The following SPMIP4 variants were observed in gnomAD, a reference collection of about 807,000 sequenced individuals.
SPMIP4 encodes sperm-associated microtubule inner protein 4.
chr7:25,126,312 G>C, the SPMIP4 span, among the ~76,000 whole-genome samples: 2 of 152,012 alleles, frequency 1.3e-5, no homozygotes, highest in Non-Finnish European at 2.9e-5. Flanking sequence ...CAAGTAGCTG[G>C]GACTACGGGA....
chr7:25,157,374 A>G, the SPMIP4 span, among the ~76,000 whole-genome samples: 3 of 152,222 alleles, frequency 2.0e-5, no homozygotes, highest in African/African-American at 7.2e-5. Flanking sequence ...ACAGACACAC[A>G]GAGAACTTCT....
chr7:25,126,323 G>A, the SPMIP4 span, among the ~76,000 whole-genome samples: 4 of 152,084 alleles, frequency 2.6e-5, no homozygotes, highest in African/African-American at 9.7e-5. Flanking sequence ...GACTACGGGA[G>A]CAAACCACCA....
At chr7:25,128,179 C>G in the SPMIP4 span, among the ~76,000 whole-genome samples, 1 of 152,318 alleles carries the variant, frequency 6.6e-6, no homozygotes, top group Non-Finnish European at 1.5e-5. This position sits in a 1 kb window ranked among gnomAD's most constrained non-coding sequence, Gnocchi z 4.5. Context: ...TGGGTCTGGT[C>G]CAAGGCTTGC....
the SPMIP4 span, chr7:25,134,943 A>T: frequency 5.1e-6 from 5 of 985,306 alleles, no homozygotes; most frequent in Admixed American, 6.1e-5. Flanking sequence ...GCTGTACAGA[A>T]TGCAGTTGGA....
At chr7:25,149,687 T>C in the SPMIP4 span, among the ~76,000 whole-genome samples, 1 of 152,208 alleles carries the variant, frequency 6.6e-6, no homozygotes, top group African/African-American at 2.4e-5. Flanking sequence ...GGTTACAGTA[T>C]GTGTGGCAGA....
the SPMIP4 span, among the ~76,000 whole-genome samples, chr7:25,143,877 A>G: frequency 2.4e-3 from 368 of 152,340 alleles, 1 homozygote; most frequent in Non-Finnish European, 4.6e-3. Context: ...GATTATAGAC[A>G]TGAGCTACCA....
the SPMIP4 span, among the ~76,000 whole-genome samples, chr7:25,175,201 G>A: frequency 8.5e-5 from 13 of 152,148 alleles, no homozygotes; most frequent in Admixed American, 8.5e-4. Context: ...TACCCTGTCT[G>A]TAGACCAGTC....
At chr7:25,155,187 A>G in the SPMIP4 span, 1 of 1,541,230 alleles carries the variant, frequency 6.5e-7, no homozygotes, top group Non-Finnish European at 8.7e-7. Context: ...TGGCAAGCAG[A>G]TCTCTCTAAG....
chr7:25,141,515 T>C, the SPMIP4 span, among the ~76,000 whole-genome samples: 1 of 140,256 alleles, frequency 7.1e-6, no homozygotes, highest in African/African-American at 2.8e-5. Context: ...GAGGTTGCAG[T>C]GAGCTGAGAT....
At chr7:25,130,450 T>C in the SPMIP4 span, among the ~76,000 whole-genome samples, 6 of 151,606 alleles carry the variant, frequency 4.0e-5, no homozygotes, top group Non-Finnish European at 8.8e-5. Flanking sequence ...GTAGCTGGGA[T>C]TACAGGTGTG....
chr7:25,135,315 A>G, the SPMIP4 span: 1 of 985,104 alleles, frequency 1.0e-6, no homozygotes, highest in Non-Finnish European at 1.2e-6. Flanking sequence ...TTTCTCAATC[A>G]GAAGGTTAAG....
the SPMIP4 span, among the ~76,000 whole-genome samples, chr7:25,143,660 T>G: frequency 6.8e-6 from 1 of 146,784 alleles, no homozygotes; most frequent in Non-Finnish European, 1.5e-5. Context: ...GGTACAATCA[T>G]AGCTCACTGA....
chr7:25,155,334 A>C, the SPMIP4 span: 4 of 584,976 alleles, frequency 6.8e-6, no homozygotes, highest in Non-Finnish European at 1.1e-5. Context: ...CAGTGAGTCA[A>C]TGTCCCTGTG....
chr7:25,133,509 T>C, the SPMIP4 span, among the ~76,000 whole-genome samples: 1 of 152,238 alleles, frequency 6.6e-6, no homozygotes, highest in Non-Finnish European at 1.5e-5. Context: ...AAAGTGGTCA[T>C]ATTTAGAAGA....
At chr7:25,151,489 C>T in the SPMIP4 span, 1 of 681,172 alleles carries the variant, frequency 1.5e-6, no homozygotes, top group Non-Finnish European at 2.5e-6. Flanking sequence ...TCCCTAAGTG[C>T]TGGGATTATG....
At chr7:25,132,880 A>C in the SPMIP4 span, among the ~76,000 whole-genome samples, 2 of 152,296 alleles carry the variant, frequency 1.3e-5, no homozygotes, top group East Asian at 3.9e-4. The surrounding 1 kb of genome is among the most constrained non-coding windows in gnomAD (Gnocchi z 5.0). Flanking sequence ...GAGTTGATGG[A>C]GATGGGAAGG....
the SPMIP4 span, chr7:25,142,852 A>G: frequency 1.4e-6 from 2 of 1,401,814 alleles, no homozygotes; most frequent in African/African-American, 1.5e-5. Context: ...TGTTAATGTC[A>G]TCTAGTAGAA....
the SPMIP4 span, among the ~76,000 whole-genome samples, chr7:25,154,484 C>G: frequency 5.9e-5 from 9 of 152,154 alleles, no homozygotes; most frequent in African/African-American, 2.2e-4. Context: ...AACACATTCA[C>G]AAAGACTCCA....
the SPMIP4 span, chr7:25,136,447 G>A: frequency 1.2e-6 from 2 of 1,614,142 alleles, no homozygotes; most frequent in South Asian, 2.2e-5. The surrounding 1 kb of genome is among the most constrained non-coding windows in gnomAD (Gnocchi z 5.7). Context: ...TTTAGTATCT[G>A]TGATTTTTGG....
Sources: gnomAD v4.1 joint callset for allele counts (sites outside exome capture counted in the v4.1 genomes callset) on GRCh38, gnomAD v4.1.1 for gene constraint, Gnocchi (gnomAD v3.1) non-coding constraint, MANE v1.5 for transcripts, NCBI Gene and HGNC (gene_info 2026-07-23, HGNC 2026-07-21) for gene names.